Variants in MPHOSPH10 observed in about 807,000 individuals in gnomAD.
The protein encoded by MPHOSPH10 is M-phase phosphoprotein 10, also known as U3 small nucleolar ribonucleoprotein MPP10.
MPHOSPH10 carries 33 observed loss-of-function variants against 77.3 expected under a neutral mutation model. That is an observed-to-expected ratio of 0.43 (90% CI 0.32 to 0.57). The LOEUF (loss-of-function observed/expected upper bound fraction) is 0.57, where lower values mean the gene tolerates loss of function less well. MPHOSPH10 is among the 20% of genes least tolerant of loss of function. MPHOSPH10 has a pLI of 0.07. For missense variants in MPHOSPH10, 708 were observed against 780.1 expected (o/e 0.91, Z 1.10); for synonymous variants, 245 against 268.0 (o/e 0.91, Z 0.84).
intron 5 of MPHOSPH10, chr2:71,138,956 C>G (rs777030908): frequency 3.6e-6 from 2 of 559,358 alleles, no homozygotes; most frequent in Non-Finnish European, 6.4e-6. Flanking sequence ...ATTGCTTGAA[C>G]CCAGAAAGGG....
chr2:71,144,398 A>G, intron 7 of MPHOSPH10, 30 bp from the exon 8 acceptor site: 2 of 1,517,388 alleles, frequency 1.3e-6, no homozygotes, highest in Non-Finnish European at 1.8e-6. Context: ...CAAGTCGCTT[A>G]GTTTGACATT....
chr2:71,146,581 G>T (rs534562016), intron 8 of MPHOSPH10, among the ~76,000 whole-genome samples: 1 of 152,152 alleles, frequency 6.6e-6, no homozygotes, highest in East Asian at 1.9e-4. Context: ...CAAATGATCT[G>T]CCCACCTTGG....
intron 5 of MPHOSPH10, 188 bp downstream of exon 5, chr2:71,138,819 G>C: frequency 1.3e-6 from 1 of 772,854 alleles, no homozygotes; most frequent in Non-Finnish European, 2.2e-6. Flanking sequence ...CGGATCACCT[G>C]AGGTCAGGAG....
At chr2:71,138,791 T>A (rs758646782) in intron 5 of MPHOSPH10, 160 bp downstream of exon 5, 4 of 1,021,486 alleles carry the variant, frequency 3.9e-6, no homozygotes, top group Admixed American at 2.0e-5. Flanking sequence ...TCCCGGCACT[T>A]TGGGAGGCCG....
intron 8 of MPHOSPH10, 147 bp from the exon 9 acceptor site, chr2:71,147,852 G>T: frequency 1.6e-6 from 1 of 620,402 alleles, no homozygotes; most frequent in Non-Finnish European, 2.8e-6. Flanking sequence ...GTCTCCATTA[G>T]GTTTGCTGAC....
intron 4 of MPHOSPH10, among the ~76,000 whole-genome samples, chr2:71,136,381 A>G (rs2103665765): frequency 6.6e-6 from 1 of 152,156 alleles, no homozygotes; most frequent in South Asian, 2.1e-4. Context: ...TGGGAATGGT[A>G]GTGTGTGCCT....
Position 71,134,716 on chromosome 2 carries a change from G to A in MPHOSPH10, c.1017G>A (p.Ala339=), listed in dbSNP as rs777323333. 1.7e-5 allele frequency: 27 copies of A among 1,611,502 alleles called. No individual in the cohort carries two copies. The highest frequency in any genetic ancestry group is 3.3e-4 in the Middle Eastern group (2 of 6,002). Residue 339 remains alanine (A), a synonymous_variant, in exon 4 of 11, where the codon GCG becomes GCA. Transcript: ENST00000244230. ...TGACCTTTGCTTTACCAGATGATGCGGAAACTGAAGATACAGGTGTTTTAA... is the reference window on the plus strand; with the variant it reads ...TGACCTTTGCTTTACCAGATGATGCAGAAACTGAAGATACAGGTGTTTTAA... ...KRVTFALPDD[A]ETEDTGVLNV...
At position 71,149,336 on chromosome 2, in the gene MPHOSPH10, G is replaced by A. The variant is rs1029828368; in HGVS notation, c.1779G>A (p.Glu593=). Reference sequence around the variant, plus strand: ...AGCGTATGAAAATAAAAGAGAAGGAGAAGCGGAGAAAACTGCTTGAAAAGA... The same window carrying A: ...AGCGTATGAAAATAAAAGAGAAGGAAAAGCGGAGAAAACTGCTTGAAAAGA... ...YQKRMKIKEK[E]KRRKLLEKSS... Residue 593 remains glutamate, a synonymous_variant, in exon 10 of 11, where the codon GAG becomes GAA. Transcript: ENST00000244230. 4.3e-6 allele frequency: 7 copies of A among 1,613,910 alleles called. No homozygotes were observed. Among genetic ancestry groups the A allele is most frequent in the Non-Finnish European group, 5.1e-6 (6 of 1,179,872 alleles).
In MPHOSPH10 at chr2:71,133,501, G is replaced by GGAAGATATTGATTTTTTT. The variant is rs1673427362; in HGVS notation, c.707_724dup (p.Phe236_Asp241dup). On this transcript the variant is annotated inframe_insertion, in exon 2 of 11. Transcript: ENST00000244230. The stretch of plus-strand genomic sequence containing the variant: ...GAAAAGATGATAATGATGAGGAGGA[G>GGAAGATATTGATTTTTTT]GAAGATATTGATTTTTTTGAAGATA... 1 of 1,611,850 alleles carries GGAAGATATTGATTTTTTT rather than the reference G, an allele frequency of 6.2e-7. No individual in the cohort carries two copies. Among genetic ancestry groups the GGAAGATATTGATTTTTTT allele is most frequent in the Non-Finnish European group, 8.5e-7 (1 of 1,178,950 alleles).
At chr2:71,133,727 CA>C in intron 2 of MPHOSPH10, 151 bp downstream of exon 2, 1 of 997,490 alleles carries the variant, frequency 1.0e-6, no homozygotes, top group Non-Finnish European at 1.4e-6. Flanking sequence ...TACTTCCATT[CA>C]ATTTATGTTC....
chr2:71,138,378 T>C (rs1673536180), intron 4 of MPHOSPH10, 112 bp from the exon 5 acceptor site: 2 of 857,042 alleles, frequency 2.3e-6, no homozygotes, highest in South Asian at 2.0e-5. Flanking sequence ...AAGAACAGAA[T>C]CGTAGAACAG....
chr2:71,143,151 T>C (rs1204487545), intron 7 of MPHOSPH10, among the ~76,000 whole-genome samples: 1 of 151,534 alleles, frequency 6.6e-6, no homozygotes, highest in Non-Finnish European at 1.5e-5. Context: ...TTTTTCTTTT[T>C]TTTTTTTTTG....
At position 71,134,737 on chromosome 2, in the gene MPHOSPH10, T is replaced by G. The variant is rs781500470; in HGVS notation, c.1038T>G (p.Val346=). Residue 346 remains valine, a synonymous_variant, in exon 4 of 11, where the codon GTT becomes GTG. Coordinates refer to ENST00000244230, the MANE Select transcript of MPHOSPH10 (RefSeq NM_005791.3). ...PDDAETEDTG[V]LNVKKNSDEV... ...ATGCGGAAACTGAAGATACAGGTGT[T>G]TTAAATGTAAAGAAAAATTCTGATG... 2 of 1,609,266 alleles carry G rather than the reference T, an allele frequency of 1.2e-6. No homozygotes were observed.
chr2:71,134,895 AGTG>A, intron 4 of MPHOSPH10, 98 bp downstream of exon 4: 1 of 979,852 alleles, frequency 1.0e-6, no homozygotes, highest in South Asian at 1.6e-5. Flanking sequence ...GGCCAGGTGC[AGTG>A]GCTCACGCCT....
chr2:71,136,015 A>G (rs187589037), intron 4 of MPHOSPH10, among the ~76,000 whole-genome samples: 12 of 152,258 alleles, frequency 7.9e-5, no homozygotes, highest in Admixed American at 3.3e-4. Context: ...GATACCACCT[A>G]TGTCTTTAAG....
intron 6 of MPHOSPH10, 102 bp from the exon 7 acceptor site, chr2:71,141,130 T>C (rs1673602479): frequency 2.0e-6 from 1 of 489,850 alleles, no homozygotes; most frequent in East Asian, 9.1e-5. Flanking sequence ...TATTAATATA[T>C]TGATAATATT....
At chr2:71,149,072 A>G (rs1322721577) in intron 9 of MPHOSPH10, 151 bp from the exon 10 acceptor site, 6 of 670,650 alleles carry the variant, frequency 8.9e-6, no homozygotes, top group African/African-American at 1.8e-5. Flanking sequence ...ACCAACGCTC[A>G]TTGGAATGCA....
intron 5 of MPHOSPH10, chr2:71,139,014 G>C (rs1673556500): frequency 4.2e-6 from 2 of 472,910 alleles, no homozygotes; most frequent in African/African-American, 3.9e-5. Context: ...AGCGTGGGCA[G>C]CCTGGGCAAC....
In MPHOSPH10 at chr2:71,136,848, C is replaced by CTTT. The variant is rs60456435; in HGVS notation, c.1099-1627_1099-1625dup. Among the ~76,000 whole-genome samples the CTTT allele has an allele frequency of 3.6e-4, 43 of 118,638 alleles. 1 individual carries two copies. The highest frequency in any genetic ancestry group is 1.2e-3 in the African/African-American group (38 of 30,890). The allele number at this position is 118,638 out of a possible 152,430, so 77.8% of individuals were successfully genotyped here. A position where few individuals can be genotyped will look rare whatever the true frequency, so the allele number is the denominator to read the frequency against. On this transcript the variant is annotated intron_variant, in intron 4 of 10. Transcript: ENST00000244230. ...TAAAGAATAAAGTAGAACTTTCAAC[C>CTTT]TTTTTTTTTTTTTTTTTGAAACTGT...
Sources: gnomAD v4.1 joint callset for allele counts (sites outside exome capture counted in the v4.1 genomes callset) on GRCh38, gnomAD v4.1.1 for gene constraint, MANE v1.5 for transcripts, NCBI Gene and HGNC (gene_info 2026-07-23, HGNC 2026-07-21) for gene names.